Variants in LIPG observed in about 807,000 individuals in gnomAD.
LIPG encodes lipase G, endothelial type.
LIPG carries 34 observed loss-of-function variants against 51.8 expected under a neutral mutation model. The ratio of observed to expected loss-of-function variants is 0.66; its 90% CI spans 0.50 to 0.87. The LOEUF (loss-of-function observed/expected upper bound fraction) is 0.87, where lower values mean the gene tolerates loss of function less well. Among genes scored for constraint, LIPG ranks in the 40% least tolerant of loss-of-function variants. The probability of loss-of-function intolerance (pLI) is 0.00; values close to 1 mark genes in which losing one functional copy is unlikely to be tolerated. For missense variants in LIPG, 580 were observed against 652.7 expected (o/e 0.89, Z 1.21); for synonymous variants, 246 against 246.1 (o/e 1.00, Z 0.00).
Position 49,583,547 on chromosome 18 carries a change from C to T in LIPG, c.1158-9C>T, listed in dbSNP as rs1397968983. The T allele has an allele frequency of 6.2e-7, 1 of 1,613,402 alleles. No individual in the cohort carries two copies. The highest frequency in any genetic ancestry group is 8.5e-7 in the Non-Finnish European group (1 of 1,179,450). ...AGGGGAGTGAGATCAGCTTCTCTCC[C>T]ACTTGTAGAGTGGAGCGGATCGAGC... On this transcript the variant is annotated splice_polypyrimidine_tract_variant and intron_variant, in intron 7 of 9. Coordinates refer to ENST00000261292, the MANE Select transcript of LIPG (RefSeq NM_006033.4).
At chr18:49,585,821 G>A (rs2084874342) in intron 8 of LIPG, among the ~76,000 whole-genome samples, 1 of 152,130 alleles carries the variant, frequency 6.6e-6, no homozygotes, top group Non-Finnish European at 1.5e-5. Flanking sequence ...TTTCACCCAG[G>A]TCTGGTGGGA....
chr18:49,583,412 A>T lies in LIPG; in HGVS notation c.1158-144A>T, dbSNP rs560008733. The stretch of plus-strand genomic sequence containing the variant: ...CTTCCATCTTGGTCCTGTTGATAGG[A>T]AGTAGAGGGATAGAGGTGGGGAAAG... On this transcript the variant is annotated intron_variant, in intron 7 of 9. Coordinates refer to ENST00000261292, the MANE Select transcript of LIPG (RefSeq NM_006033.4). The T allele has an allele frequency of 2.2e-4, 162 of 724,234 alleles. 1 individual carries two copies. Among genetic ancestry groups the T allele is most frequent in the Non-Finnish European group, 3.7e-4 (151 of 404,010 alleles). 44.9% of individuals were successfully genotyped at this position (724,234 alleles called of 1,614,324 possible).
At position 49,597,243 on chromosome 18, in the gene LIPG, TAAA is replaced by T. The variant is rs2084987321; in HGVS notation, c.*6723_*6725del. ...GAATCTTTCTTCTAATCGAGGCCCC[TAAA>T]ATATTCCTGATTTTCACAGTTGATT... On this transcript the variant is annotated 3_prime_UTR_variant, in exon 10 of 10. Transcript: ENST00000261292. The T allele has an allele frequency of 6.6e-6, 1 of 152,214 alleles. No homozygotes were observed. Among genetic ancestry groups the T allele is most frequent in the African/African-American group, 2.4e-5 (1 of 41,450 alleles). The allele number at this position is 152,214 out of a possible 1,614,324, so 9.4% of individuals were successfully genotyped here. A position where few individuals can be genotyped will look rare whatever the true frequency, so the allele number is the denominator to read the frequency against.
chr18:49,582,432 C>T lies in LIPG; in HGVS notation c.1107C>T (p.Tyr369=), dbSNP rs1240317432. The change falls in exon 7 of 10, where the codon TAC becomes TAT. Residue 369 remains tyrosine, a synonymous_variant. Coordinates refer to ENST00000261292, the MANE Select transcript of LIPG (RefSeq NM_006033.4). Reference sequence around the variant, plus strand: ...TGGGAGAAATTGAGCCCACCTTTTACGTCACCCTTTATGGCACTAATGCAG... The same window carrying T: ...TGGGAGAAATTGAGCCCACCTTTTATGTCACCCTTTATGGCACTAATGCAG... The part of the protein sequence containing the change: ...KNMGEIEPTF[Y]VTLYGTNADS... 5.6e-6 allele frequency: 9 copies of T among 1,614,066 alleles called. No homozygotes were observed. Among genetic ancestry groups the T allele is most frequent in the Admixed American group, 1.7e-5 (1 of 60,010 alleles).
intron 9 of LIPG, among the ~76,000 whole-genome samples, chr18:49,587,956 T>C: frequency 6.6e-6 from 1 of 152,194 alleles, no homozygotes; most frequent in Non-Finnish European, 1.5e-5. Context: ...GCTGAGCTAA[T>C]TTGTGTATTT....
At chr18:49,578,089 C>T (rs1429006553) in intron 5 of LIPG, among the ~76,000 whole-genome samples, 1 of 138,584 alleles carries the variant, frequency 7.2e-6, no homozygotes, top group African/African-American at 2.8e-5. Context: ...CCACCTCCCT[C>T]CCGGATGGGG....
At chr18:49,570,738 A>G (rs2084652967) in intron 4 of LIPG, among the ~76,000 whole-genome samples, 2 of 152,166 alleles carry the variant, frequency 1.3e-5, no homozygotes, top group Admixed American at 1.3e-4. Flanking sequence ...CTGAGGCAGG[A>G]GAATCGCTTG....
intron 4 of LIPG, among the ~76,000 whole-genome samples, chr18:49,572,326 TAAAA>T (rs981809449): frequency 2.3e-5 from 2 of 88,376 alleles, no homozygotes; most frequent in African/African-American, 6.5e-5. Context: ...GTCTCAAAAA[TAAAA>T]AATAAAAAAT....
chr18:49,578,591 C>T lies in LIPG; in HGVS notation c.794-2824C>T, dbSNP rs1227206966. Among the ~76,000 whole-genome samples, 3 of 151,486 alleles carry T rather than the reference C, an allele frequency of 2.0e-5. No individual in the cohort carries two copies. The East Asian group carries it at 5.8e-4, about 29-fold the overall frequency. The stretch of plus-strand genomic sequence containing the variant: ...ACATCCCAGACGATGGGCGGCCAGG[C>T]GGAGACACTCCTCACTTCCCAGATG... On this transcript the variant is annotated intron_variant, in intron 5 of 9. Transcript: ENST00000261292.
intron 8 of LIPG, among the ~76,000 whole-genome samples, chr18:49,584,468 G>C (rs2084861916): frequency 6.6e-6 from 1 of 152,248 alleles, no homozygotes; most frequent in Non-Finnish European, 1.5e-5. Flanking sequence ...AAGCCTGCGA[G>C]ACCTTTGTCA....
chr18:49,592,924 A>ATTTTTTTTTT lies in LIPG; in HGVS notation c.*2419_*2428dup, dbSNP rs1023534320. The ATTTTTTTTTT allele has an allele frequency of 2.0e-4, 23 of 113,580 alleles. No homozygotes were observed. Among genetic ancestry groups the ATTTTTTTTTT allele is most frequent in the African/African-American group, 7.7e-4 (22 of 28,594 alleles). 7.0% of individuals were successfully genotyped at this position (113,580 alleles called of 1,614,324 possible). ...AAGTTCTTAATGGTCTGACAACTCA[A>ATTTTTTTTTT]TTTTTTTTTTTTTTTTTTTTTTTTT... is the stretch of plus-strand genomic sequence containing the variant. On this transcript the variant is annotated 3_prime_UTR_variant, in exon 10 of 10. Coordinates refer to ENST00000261292, the MANE Select transcript of LIPG (RefSeq NM_006033.4).
rs1194564576 is a variant in LIPG, at chr18:49,579,764, C to CTTTCCTTTCCTTTCTTTTCT, written c.794-1647_794-1646insCTTTCCTTTCTTTTCTTTTC. ...CCTTTCTTTCCTTTCCTTTCCTTTC[C>CTTTCCTTTCCTTTCTTTTCT]TTTCTTTTCTTTTCTTTTCTTTTCT... On this transcript the variant is annotated intron_variant, in intron 5 of 9. Coordinates refer to ENST00000261292, the MANE Select transcript of LIPG (RefSeq NM_006033.4). Among the ~76,000 whole-genome samples, 819 of 112,096 alleles carry CTTTCCTTTCCTTTCTTTTCT rather than the reference C, an allele frequency of 7.3e-3. 11 individuals carry two copies. Among genetic ancestry groups the CTTTCCTTTCCTTTCTTTTCT allele is most frequent in the Non-Finnish European group, 9.7e-3 (567 of 58,544 alleles). The allele number at this position is 112,096 out of a possible 152,430, so 73.5% of individuals were successfully genotyped here. A position where few individuals can be genotyped will look rare whatever the true frequency, so the allele number is the denominator to read the frequency against.
At position 49,593,837 on chromosome 18, in the gene LIPG, C is replaced by A. The variant is rs2084966014; in HGVS notation, c.*3315C>A. 6.6e-6 allele frequency: 1 copy of A among 152,120 alleles called. No individual in the cohort carries two copies. Among genetic ancestry groups the A allele is most frequent in the South Asian group, 2.1e-4 (1 of 4,826 alleles). 9.4% of individuals were successfully genotyped at this position (152,120 alleles called of 1,614,324 possible). ...AGTCTTTATTTAGGGTGCCCATGGG[C>A]CCTGCTGAAGATCCAATTACTATTT... is the stretch of plus-strand genomic sequence containing the variant. On this transcript the variant is annotated 3_prime_UTR_variant, in exon 10 of 10. Coordinates refer to ENST00000261292, the MANE Select transcript of LIPG (RefSeq NM_006033.4).
chr18:49,586,063 TCA>T (rs1442167316), intron 8 of LIPG, among the ~76,000 whole-genome samples: 1 of 152,206 alleles, frequency 6.6e-6, no homozygotes, highest in African/African-American at 2.4e-5. Flanking sequence ...GTCACGCTAA[TCA>T]CACGCCCCTG....
At chr18:49,582,946 C>G (rs893554793) in intron 7 of LIPG, among the ~76,000 whole-genome samples, 3 of 152,226 alleles carry the variant, frequency 2.0e-5, no homozygotes, top group Admixed American at 2.0e-4. Context: ...GATGAAACAT[C>G]ATCAAAGTAG....
At chr18:49,561,982 A>G (rs2084554424), upstream of LIPG, 1 of 1,403,428 alleles carries the variant, frequency 7.1e-7, no homozygotes, top group Non-Finnish European at 9.2e-7. Flanking sequence ...ACGGGAATAA[A>G]TTATGCAAAT....
At chr18:49,566,265 C>T (rs1380002481) in intron 2 of LIPG, among the ~76,000 whole-genome samples, 1 of 152,142 alleles carries the variant, frequency 6.6e-6, no homozygotes, top group Non-Finnish European at 1.5e-5. Flanking sequence ...AGGTGCCTGC[C>T]TACCTAGTTG....
At position 49,583,007 on chromosome 18, in the gene LIPG, A is replaced by G. The variant is rs146616362; in HGVS notation, c.1157+525A>G. Among the ~76,000 whole-genome samples the G allele has an allele frequency of 4.2e-3, 645 of 152,302 alleles. 5 individuals carry two copies. Among genetic ancestry groups the G allele is most frequent in the African/African-American group, 0.015 (618 of 41,556 alleles). On this transcript the variant is annotated intron_variant, in intron 7 of 9. Coordinates refer to ENST00000261292, the MANE Select transcript of LIPG (RefSeq NM_006033.4). The stretch of plus-strand genomic sequence containing the variant: ...GCTGGGAGACCAGGTTTGTACACGC[A>G]CGTGCACACTTACACACAGGTAGGG...
chr18:49,570,516 C>T (rs780680192), intron 4 of LIPG, among the ~76,000 whole-genome samples: 7 of 152,134 alleles, frequency 4.6e-5, no homozygotes, highest in Non-Finnish European at 1.0e-4. Context: ...CAATTCCTTT[C>T]CCTGCAGTGT....
Sources: gnomAD v4.1 joint callset for allele counts (sites outside exome capture counted in the v4.1 genomes callset) on GRCh38, gnomAD v4.1.1 for gene constraint, MANE v1.5 for transcripts, NCBI Gene and HGNC (gene_info 2026-07-23, HGNC 2026-07-21) for gene names.